Variants in PLD2 observed in about 807,000 individuals in gnomAD.
PLD2 encodes the protein phospholipase D2, also known as choline phosphatase 2.
In PLD2, 101 loss-of-function variants were observed where a neutral mutation model predicts 119.8. The ratio of observed to expected loss-of-function variants is 0.84; its 90% CI spans 0.72 to 0.99. The LOEUF is 0.99. PLD2 is among the 50% of genes least tolerant of loss of function. The pLI is 0.00. For missense variants in PLD2, 1,164 were observed against 1,226.8 expected (o/e 0.95, Z 0.76); for synonymous variants, 494 against 482.8 (o/e 1.02, Z -0.30).
intron 7 of PLD2, 59 bp from the exon 8 acceptor site, chr17:4,809,632 G>A: frequency 1.9e-6 from 3 of 1,610,930 alleles, no homozygotes; most frequent in South Asian, 1.1e-5. Flanking sequence ...GGCAAGCAGT[G>A]CAGGGTGGGC....
At chr17:4,812,294 G>GTTTTTTT (rs1491465483) in intron 10 of PLD2, among the ~76,000 whole-genome samples, 1 of 125,960 alleles carries the variant, frequency 7.9e-6, no homozygotes, top group Non-Finnish European at 1.6e-5. Flanking sequence ...TTTTTGTTTT[G>GTTTTTTT]GTTTTTTTTT....
intron 19 of PLD2, 39 bp from the exon 20 acceptor site, chr17:4,818,455 G>C (rs372351232): frequency 3.1e-6 from 5 of 1,602,810 alleles, no homozygotes; most frequent in South Asian, 1.1e-5. Context: ...GGTGGGGTTT[G>C]AGGGACCAGT....
Position 4,819,109 on chromosome 17 carries a change from T to A in PLD2, c.2199T>A (p.Ile733=), listed in dbSNP as rs768917133. ...TGGGGACAGCATGGCGGGACTATAT[T>A]TCCATCTGCGGGCTTCGTACACACG... ...AAMGTAWRDY[I]SICGLRTHGE... is the part of the protein sequence containing the mutation. Residue 733 remains isoleucine (I), a synonymous_variant, in exon 22 of 25, where the codon ATT becomes ATA. Transcript: ENST00000263088. This position sits in a 1 kb window ranked among gnomAD's most constrained non-coding sequence, Gnocchi z 4.2. 4 of 1,614,130 alleles carry A rather than the reference T, an allele frequency of 2.5e-6. No homozygotes were observed. The highest frequency in any genetic ancestry group is 3.4e-6 in the Non-Finnish European group (4 of 1,180,018).
chr17:4,818,664 C>T (rs1907300778), intron 20 of PLD2, 57 bp downstream of exon 20: 1 of 1,555,420 alleles, frequency 6.4e-7, no homozygotes, highest in South Asian at 1.1e-5. Context: ...GTGTCCCCCT[C>T]CTGATTCTGT....
At position 4,818,509 on chromosome 17, in the gene PLD2, C is replaced by T. The variant is rs368727062; in HGVS notation, c.2025C>T (p.Tyr675=). The change falls in exon 20 of 25, where the codon TAC becomes TAT. Residue 675 remains tyrosine, a synonymous_variant. Transcript: ENST00000263088. ...CCCTCCCCAGACAGGGGTGGTGTTA[C>T]CGAGTCTACGTGCTTTTGCCCTTAC... is the stretch of plus-strand genomic sequence containing the variant. ...ILKAHKQGWC[Y]RVYVLLPLLP... The T allele has an allele frequency of 3.7e-6, 6 of 1,613,634 alleles. No homozygotes were observed. In the South Asian group the frequency reaches 5.5e-5, roughly 15 times the overall value.
chr17:4,807,673 A>C lies in PLD2; in HGVS notation c.-1-99A>C. 4.3e-6 allele frequency: 3 copies of C among 695,682 alleles called. No individual in the cohort carries two copies. The highest frequency in any genetic ancestry group is 1.8e-5 in the African/African-American group (1 of 56,582). 43.1% of individuals were successfully genotyped at this position (695,682 alleles called of 1,614,324 possible). A position where few individuals can be genotyped will look rare whatever the true frequency, so the allele number is the denominator to read the frequency against. On this transcript the variant is annotated intron_variant, in intron 1 of 24. Coordinates refer to ENST00000263088, the MANE Select transcript of PLD2 (RefSeq NM_002663.5). This position sits in a 1 kb window ranked among gnomAD's most constrained non-coding sequence, Gnocchi z 5.4. ...CGGGCGGTCAGGAGGCCGTGGGGGAAGAGGAGGATCTGGAAGAGATGGAGG... is the reference window on the plus strand; with the variant it reads ...CGGGCGGTCAGGAGGCCGTGGGGGACGAGGAGGATCTGGAAGAGATGGAGG...
At position 4,819,021 on chromosome 17, in the gene PLD2, G is replaced by A; in HGVS notation, c.2174-63G>A. 1 of 1,599,158 alleles carries A rather than the reference G, an allele frequency of 6.3e-7. No individual in the cohort carries two copies. The highest frequency in any genetic ancestry group is 8.5e-7 in the Non-Finnish European group (1 of 1,171,116). ...AGGAAGAGTTTCTGGAGTGAGAGGA[G>A]GTGGGACAGGGCCCTGTGCACACAG... On this transcript the variant is annotated intron_variant, in intron 21 of 24. Transcript: ENST00000263088. This position sits in a 1 kb window ranked among gnomAD's most constrained non-coding sequence, Gnocchi z 4.2.
At chr17:4,821,928 G>A (rs373803829) in intron 24 of PLD2, 21 bp downstream of exon 24, 206 of 1,509,080 alleles carry the variant, frequency 1.4e-4, no homozygotes, top group Non-Finnish European at 1.8e-4. Flanking sequence ...GGGAGGGGTG[G>A]GGGAGAGTGG....
At chr17:4,822,180 TA>T (rs1424390884) in intron 24 of PLD2, among the ~76,000 whole-genome samples, 2 of 151,626 alleles carry the variant, frequency 1.3e-5, no homozygotes, top group Non-Finnish European at 2.9e-5. Flanking sequence ...CCATCTCTAC[TA>T]AAAATACAAA....
At chr17:4,817,077 G>C in intron 16 of PLD2, 22 bp downstream of exon 16, 1 of 1,608,788 alleles carries the variant, frequency 6.2e-7, no homozygotes. Context: ...CTCCGATAGG[G>C]GCTGGAGGTA....
In PLD2 at chr17:4,809,839, G is replaced by A. The variant is rs766272802; in HGVS notation, c.708-38G>A. 4.3e-6 allele frequency: 7 copies of A among 1,614,094 alleles called. No individual in the cohort carries two copies. In the East Asian group the frequency reaches 1.6e-4, roughly 36 times the overall value. On this transcript the variant is annotated intron_variant, in intron 8 of 24. Transcript: ENST00000263088. ...GGGTGGGGGTGAGGAAGAAAATTTT[G>A]AGGGCAGAGAGGAACACACGGAGCC...
chr17:4,808,976 G>A lies in PLD2; in HGVS notation c.384-124G>A, dbSNP rs1014749246. On this transcript the variant is annotated intron_variant, in intron 4 of 24. Coordinates refer to ENST00000263088, the MANE Select transcript of PLD2 (RefSeq NM_002663.5). This position sits in a 1 kb window ranked among gnomAD's most constrained non-coding sequence, Gnocchi z 4.1. The stretch of plus-strand genomic sequence containing the variant: ...CCCCAAGTGCTGGGATTCCAGGCGT[G>A]AGCCACCACGCCTGGCCACCTCCAG... 4.1e-6 allele frequency: 3 copies of A among 730,556 alleles called. No individual in the cohort carries two copies. The highest frequency in any genetic ancestry group is 7.1e-6 in the Non-Finnish European group (3 of 421,942). The allele number at this position is 730,556 out of a possible 1,614,324, so 45.3% of individuals were successfully genotyped here.
chr17:4,815,725 C>T, intron 13 of PLD2, 39 bp from the exon 14 acceptor site: 1 of 1,608,918 alleles, frequency 6.2e-7, no homozygotes, highest in East Asian at 2.2e-5. Flanking sequence ...TTTTCCTTCA[C>T]CTAAACCCAC....
At chr17:4,815,202 T>C (rs1020378564) in intron 12 of PLD2, among the ~76,000 whole-genome samples, 2 of 151,928 alleles carry the variant, frequency 1.3e-5, no homozygotes, top group Non-Finnish European at 2.9e-5. Flanking sequence ...GATGGATGAA[T>C]GATAGACGGT....
Position 4,822,071 on chromosome 17 carries a change from A to C in PLD2, c.2577+164A>C, listed in dbSNP as rs796626780. Among the ~76,000 whole-genome samples, 9 of 152,194 alleles carry C rather than the reference A, an allele frequency of 5.9e-5. 1 individual carries two copies. Among genetic ancestry groups the C allele is most frequent in the African/African-American group, 2.2e-4 (9 of 41,542 alleles). ...AGATTTAGTGGCCCAGGCCGGGTGC[A>C]GTGGCTCATGCCTGTAATCCCAGCA... On this transcript the variant is annotated intron_variant, in intron 24 of 24. Coordinates refer to ENST00000263088, the MANE Select transcript of PLD2 (RefSeq NM_002663.5).
In PLD2 at chr17:4,817,198, C is replaced by T. The variant is rs1228505655; in HGVS notation, c.1754C>T (p.Ser585Phe). Residue 585 changes from serine to phenylalanine, a missense_variant, in exon 17 of 25, where the codon TCT becomes TTT. Coordinates refer to ENST00000263088, the MANE Select transcript of PLD2 (RefSeq NM_002663.5). Reference sequence around the variant, plus strand: ...ACATACCCCTACCTGCTTCCCAAGTCTACCAGCACGGCCAATCAGCTCCCC... The same window carrying T: ...ACATACCCCTACCTGCTTCCCAAGTTTACCAGCACGGCCAATCAGCTCCCC... ...TPTYPYLLPK[S>F]TSTANQLPFT... The T allele has an allele frequency of 6.2e-7, 1 of 1,614,090 alleles. No homozygotes were observed. Among genetic ancestry groups the T allele is most frequent in the Non-Finnish European group, 8.5e-7 (1 of 1,179,958 alleles).
chr17:4,819,064 C>T lies in PLD2; in HGVS notation c.2174-20C>T, dbSNP rs1354565916. Reference sequence around the variant, plus strand: ...GCACACAGAGCCACCTCTCACCTCACTTCCCCTCCTGTCACGCAGTGGGGA... The same window carrying T: ...GCACACAGAGCCACCTCTCACCTCATTTCCCCTCCTGTCACGCAGTGGGGA... On this transcript the variant is annotated intron_variant, in intron 21 of 24. Transcript: ENST00000263088. This position sits in a 1 kb window ranked among gnomAD's most constrained non-coding sequence, Gnocchi z 4.2. 6.2e-7 allele frequency: 1 copy of T among 1,613,502 alleles called. No homozygotes were observed. The highest frequency in any genetic ancestry group is 8.5e-7 in the Non-Finnish European group (1 of 1,179,620).
In PLD2 at chr17:4,817,239, G is replaced by A. The variant is rs766590486; in HGVS notation, c.1795G>A (p.Gly599Arg). The A allele has an allele frequency of 1.1e-5, 17 of 1,612,226 alleles. No individual in the cohort carries two copies. Among genetic ancestry groups the A allele is most frequent in the Admixed American group, 1.7e-5 (1 of 59,978 alleles). ...TCAGCTCCCCTTCACACTTCCAGGAGGGCAGTGCACCACCGTACAGGTGAG... is the reference window on the plus strand; with the variant it reads ...TCAGCTCCCCTTCACACTTCCAGGAAGGCAGTGCACCACCGTACAGGTGAG... ...ANQLPFTLPG[G>R]QCTTVQVLRS... The change falls in exon 17 of 25, where the codon GGG becomes AGG. Residue 599 changes from glycine to arginine, a missense_variant. Transcript: ENST00000263088.
chr17:4,816,680 T>C lies in PLD2; in HGVS notation c.1516T>C (p.Trp506Arg). The change falls in exon 15 of 25, where the codon TGG becomes CGG. Residue 506 changes from tryptophan to arginine, a missense_variant. By Grantham distance (101) the Trp-to-Arg change is moderately radical (BLOSUM62 -3). Coordinates refer to ENST00000263088, the MANE Select transcript of PLD2 (RefSeq NM_002663.5). ...AGACCTCTCTCACAACCAATTCTTC[T>C]GGCTGGGCAAGGACTACAGCAATCT... ...TPDLSHNQFF[W>R]LGKDYSNLIT... is the part of the protein sequence containing the mutation. The C allele has an allele frequency of 1.2e-6, 2 of 1,614,144 alleles. No homozygotes were observed. Among genetic ancestry groups the C allele is most frequent in the Non-Finnish European group, 1.7e-6 (2 of 1,180,028 alleles).
Sources: gnomAD v4.1 joint callset for allele counts (sites outside exome capture counted in the v4.1 genomes callset) on GRCh38, gnomAD v4.1.1 for gene constraint, Gnocchi (gnomAD v3.1) non-coding constraint, MANE v1.5 for transcripts, NCBI Gene and HGNC (gene_info 2026-07-23, HGNC 2026-07-21) for gene names.